Variants in MTCL1 observed in about 807,000 individuals in gnomAD.
MTCL1 encodes the protein microtubule cross-linking factor 1.
In MTCL1, 79 loss-of-function variants were observed where a neutral mutation model predicts 141.4. The ratio of observed to expected loss-of-function variants is 0.56; its 90% CI spans 0.47 to 0.67. The LOEUF (loss-of-function observed/expected upper bound fraction) is 0.67. Ranked by LOEUF, MTCL1 falls within the 30% of genes least tolerant of loss-of-function variation. The pLI is 0.00. For synonymous variants in MTCL1, 914 were observed against 875.8 expected (o/e 1.04, Z -0.77); for missense variants, 2,177 against 2,113.9 (o/e 1.03, Z -0.59).
chr18:8,830,721 T>G lies in MTCL1; in HGVS notation c.*19-886T>G. The G allele has an allele frequency of 4.1e-6, 4 of 985,508 alleles. No homozygotes were observed. The highest frequency in any genetic ancestry group is 4.8e-6 in the Non-Finnish European group (4 of 829,950). 61.0% of individuals were successfully genotyped at this position (985,508 alleles called of 1,614,324 possible). ...GTGTCATTCCAGCCAGCGGGCTCCA[T>G]GCTGGGCAACTCAGTTTTCTCATGC... On this transcript the variant is annotated intron_variant, in intron 16 of 16. Transcript: ENST00000359865. The surrounding 1 kb of genome is among the most constrained non-coding windows in gnomAD (Gnocchi z 6.4).
chr18:8,787,208 C>T (rs902740243), intron 7 of MTCL1: 2 of 152,258 alleles, frequency 1.3e-5, no homozygotes. Flanking sequence ...TGAAGCAAAC[C>T]AAATACTGAG....
intron 4 of MTCL1, among the ~76,000 whole-genome samples, chr18:8,770,091 T>C (rs2096478708): frequency 6.6e-6 from 1 of 152,190 alleles, no homozygotes; most frequent in African/African-American, 2.4e-5. Context: ...ATATGGGCGA[T>C]TGGGCTATGA....
At chr18:8,729,591 G>A (rs1452750122) in intron 4 of MTCL1, among the ~76,000 whole-genome samples, 1 of 150,846 alleles carries the variant, frequency 6.6e-6, no homozygotes, top group East Asian at 1.9e-4. Context: ...CTTTTGTAGA[G>A]ATGAGGTCTC....
intron 4 of MTCL1, among the ~76,000 whole-genome samples, chr18:8,729,906 A>T (rs2096241855): frequency 1.3e-5 from 2 of 151,824 alleles, no homozygotes; most frequent in African/African-American, 4.8e-5. Flanking sequence ...TCTCCTATGT[A>T]TTTTTTGGAA....
At position 8,786,040 on chromosome 18, in the gene MTCL1, C is replaced by CG; in HGVS notation, c.1840dup (p.Asp614GlyfsTer25). 6.2e-7 allele frequency: 1 copy of CG among 1,602,124 alleles called. No homozygotes were observed. Among genetic ancestry groups the CG allele is most frequent in the Non-Finnish European group, 8.5e-7 (1 of 1,174,974 alleles). On this transcript the variant is annotated frameshift_variant, in exon 7 of 17. Transcript: ENST00000359865. LOFTEE classifies it high-confidence loss of function. The stretch of plus-strand genomic sequence containing the variant: ...CGCGGGAGCTGCACCGCCGCGCAGA[C>CG]GGGGACACCGGGAGCCACGGGCTGG...
intron 16 of MTCL1, chr18:8,829,816 G>C (rs975659733): frequency 2.0e-6 from 2 of 985,148 alleles, no homozygotes; most frequent in African/African-American, 3.5e-5. Flanking sequence ...GTGGCTTCTC[G>C]GGAAAGCGCA....
At position 8,828,521 on chromosome 18, in the gene MTCL1, T is replaced by C. The variant is rs2077096217; in HGVS notation, c.4723-387T>C. On this transcript the variant is annotated intron_variant, in intron 15 of 16. Coordinates refer to ENST00000359865, the Ensembl canonical transcript of MTCL1. The surrounding 1 kb of genome is among the most constrained non-coding windows in gnomAD (Gnocchi z 5.2). ...GACCGAAACAAACGCAGCCGTATAA[T>C]AGTCTCTGTTTTAGATACCAGTCAT... Among the ~76,000 whole-genome samples the C allele has an allele frequency of 6.6e-6, 1 of 152,258 alleles. No individual in the cohort carries two copies. The highest frequency in any genetic ancestry group is 2.4e-5 in the African/African-American group (1 of 41,462).
chr18:8,729,356 A>T (rs2096237973), intron 4 of MTCL1, among the ~76,000 whole-genome samples: 1 of 151,314 alleles, frequency 6.6e-6, no homozygotes, highest in African/African-American at 2.4e-5. Context: ...CCTGTTATAT[A>T]TTTTTTTTCA....
intron 4 of MTCL1, among the ~76,000 whole-genome samples, chr18:8,764,165 A>G (rs1412209066): frequency 1.3e-5 from 2 of 152,160 alleles, no homozygotes; most frequent in African/African-American, 4.8e-5. Flanking sequence ...TCTACTTTGA[A>G]AAAAAGGAGG....
intron 15 of MTCL1, 69 bp downstream of exon 14, chr18:8,826,301 A>C: frequency 2.9e-6 from 4 of 1,365,774 alleles, no homozygotes; most frequent in Non-Finnish European, 3.9e-6. Context: ...GCAGGTTGGG[A>C]CTTGGGATTG....
chr18:8,825,579 C>G (rs2076996427), exon 15 of MTCL1: 1 of 1,613,360 alleles, frequency 6.2e-7, no homozygotes. Context: ...CGGTGCTACA[C>G]CCGTGTCGTC....
chr18:8,774,062 G>A (rs535400290), intron 4 of MTCL1, among the ~76,000 whole-genome samples: 105 of 152,250 alleles, frequency 6.9e-4, no homozygotes, highest in Admixed American at 1.7e-3. Flanking sequence ...GCTCTACTCC[G>A]CCCTCGCAGT....
exon 10 of MTCL1, chr18:8,798,289 C>G (rs1272640206): frequency 6.5e-7 from 1 of 1,527,370 alleles, no homozygotes; most frequent in Non-Finnish European, 8.8e-7. Context: ...GCCCCACAAA[C>G]AGGTGGGTAC....
Position 8,710,708 on chromosome 18 carries a change from T to C in MTCL1, c.1053+3995T>C, listed in dbSNP as rs563713798. ...AATTACATTTTCCCTCTTGCAATCA[T>C]GTTTGTAGCATAAAGGAGCAATAAA... On this transcript the variant is annotated intron_variant, in intron 1 of 13. Transcript: ENST00000306329. 3.1e-3 allele frequency among the ~76,000 whole-genome samples: 473 copies of C among 151,598 alleles called. 3 individuals are homozygous for C. The highest frequency in any genetic ancestry group is 4.1e-3 in the Non-Finnish European group (277 of 67,846).
chr18:8,740,577 G>A (rs1190816816), intron 4 of MTCL1, among the ~76,000 whole-genome samples: 1 of 152,130 alleles, frequency 6.6e-6, no homozygotes, highest in East Asian at 1.9e-4. Context: ...CCACCTCCTG[G>A]GTTCAAGCGA....
At chr18:8,730,993 C>T (rs1233546779) in intron 4 of MTCL1, among the ~76,000 whole-genome samples, 1 of 152,118 alleles carries the variant, frequency 6.6e-6, no homozygotes, top group Non-Finnish European at 1.5e-5. Context: ...GTCTGTTTTC[C>T]CAGCACTTTG....
intron 5 of MTCL1, among the ~76,000 whole-genome samples, chr18:8,783,069 G>T (rs959083207): frequency 3.3e-5 from 5 of 152,238 alleles, no homozygotes; most frequent in Non-Finnish European, 7.3e-5. Flanking sequence ...GAGGTGGTGA[G>T]TGCAGCAGGG....
At chr18:8,792,044 G>A (rs2075746701) in intron 7 of MTCL1, among the ~76,000 whole-genome samples, 1 of 152,152 alleles carries the variant, frequency 6.6e-6, no homozygotes, top group Non-Finnish European at 1.5e-5. Context: ...TACCGATTAG[G>A]AAGAACAAAC....
chr18:8,831,665 G>C, exon 17 of MTCL1: 3 of 1,550,520 alleles, frequency 1.9e-6, no homozygotes, highest in Non-Finnish European at 2.6e-6. Flanking sequence ...AGGCCCGAGA[G>C]ACCAGCAAAC....
Sources: allele counts gnomAD v4.1 joint callset (sites outside exome capture counted in the v4.1 genomes callset), GRCh38; gene constraint gnomAD v4.1.1; non-coding constraint Gnocchi (gnomAD v3.1); transcripts MANE v1.5; gene names NCBI Gene and HGNC (gene_info 2026-07-23, HGNC 2026-07-21).